The following GUCY2C variants were observed in gnomAD, a reference collection of about 807,000 sequenced individuals.
GUCY2C encodes the protein guanylate cyclase 2C, also known as guanylyl cyclase C.
GUCY2C carries 118 observed loss-of-function variants against 131.1 expected under a neutral mutation model. That is an observed-to-expected ratio of 0.90 (90% CI 0.78 to 1.05). The LOEUF is 1.05. Among genes scored for constraint, GUCY2C ranks in the 50% least tolerant of loss-of-function variants. GUCY2C has a pLI of 0.00. For synonymous variants in GUCY2C, 452 were observed against 457.8 expected (o/e 0.99, Z 0.16); for missense variants, 1,161 against 1,304.4 (o/e 0.89, Z 1.69).
intron 8 of GUCY2C, among the ~76,000 whole-genome samples, chr12:14,673,620 T>C (rs1250006580): frequency 6.6e-6 from 1 of 152,218 alleles, no homozygotes; most frequent in Non-Finnish European, 1.5e-5. Context: ...GTTATATTGG[T>C]GAGAAATAAT....
chr12:14,631,556 G>C (rs1395700480), intron 19 of GUCY2C, among the ~76,000 whole-genome samples: 1 of 152,086 alleles, frequency 6.6e-6, no homozygotes, highest in East Asian at 1.9e-4. Context: ...CAAAGGACAC[G>C]AGCTCATCAT....
Position 14,641,103 on chromosome 12 carries a change from A to T in GUCY2C, c.2047T>A (p.Leu683Met). 1 of 1,613,630 alleles carries T rather than the reference A, an allele frequency of 6.2e-7. No homozygotes were observed. The highest frequency in any genetic ancestry group is 8.5e-7 in the Non-Finnish European group (1 of 1,179,856). The change falls in exon 18 of 27, where the codon TTG (leucine) becomes ATG (methionine). Residue 683 changes from leucine (L) to methionine (M), a missense_variant. By Grantham distance (15) the Leu-to-Met change is conservative (BLOSUM62 2). Coordinates refer to ENST00000261170, the MANE Select transcript of GUCY2C (RefSeq NM_004963.4). The part of the protein sequence containing the change: ...IILRKETFYT[L>M]SCRDRNEKIF... ...GTACCATTCCGGTCCCGACAGCTCA[A>T]AGTGTAGAAGGTTTCTTTCCGCAGG... is the stretch of plus-strand genomic sequence containing the variant.
intron 19 of GUCY2C, 127 bp from the exon 20 acceptor site, chr12:14,628,864 G>GTT: frequency 1.6e-6 from 1 of 635,974 alleles, no homozygotes; most frequent in Non-Finnish European, 2.8e-6. Context: ...AACTCAGTGC[G>GTT]GACAAGAGAT....
At chr12:14,662,436 G>C (rs935554974) in intron 10 of GUCY2C, among the ~76,000 whole-genome samples, 17 of 152,142 alleles carry the variant, frequency 1.1e-4, no homozygotes, top group South Asian at 2.1e-4. Flanking sequence ...AGCACTTTGG[G>C]GGGGCTGAGG....
intron 17 of GUCY2C, among the ~76,000 whole-genome samples, chr12:14,642,241 C>G (rs1167512849): frequency 6.6e-6 from 1 of 152,184 alleles, no homozygotes; most frequent in Admixed American, 6.5e-5. Flanking sequence ...ATCTAGTTCA[C>G]TCACTTCACA....
intron 19 of GUCY2C, 58 bp from the exon 20 acceptor site, chr12:14,628,795 G>C: frequency 2.3e-6 from 2 of 867,638 alleles, no homozygotes; most frequent in Non-Finnish European, 4.0e-6. Context: ...AATCAAGAGA[G>C]AATTCTTATT....
At chr12:14,660,881 T>G in intron 11 of GUCY2C, 100 bp downstream of exon 11, 1 of 780,718 alleles carries the variant, frequency 1.3e-6, no homozygotes, top group Non-Finnish European at 2.3e-6. Flanking sequence ...TGCAGGCTTC[T>G]TTGTGAATAT....
intron 10 of GUCY2C, among the ~76,000 whole-genome samples, chr12:14,668,609 T>A (rs1948034094): frequency 1.3e-5 from 2 of 148,654 alleles, no homozygotes; most frequent in Admixed American, 1.4e-4. Context: ...TGGCTCTAAA[T>A]AATTTTATTG....
At chr12:14,647,958 AT>A (rs1947558621) in intron 15 of GUCY2C, among the ~76,000 whole-genome samples, 1 of 150,970 alleles carries the variant, frequency 6.6e-6, no homozygotes, top group African/African-American at 2.4e-5. Flanking sequence ...TTATTTATTT[AT>A]TTATTTATTT....
rs1947854047 is a variant in GUCY2C, at chr12:14,660,917, C to T, written c.1364+64G>A. The T allele has an allele frequency of 3.0e-6, 3 of 1,007,358 alleles. No homozygotes were observed. The South Asian group carries it at 3.8e-5, about 13-fold the overall frequency. The allele number at this position is 1,007,358 out of a possible 1,614,324, so 62.4% of individuals were successfully genotyped here. A position where few individuals can be genotyped will look rare whatever the true frequency, so the allele number is the denominator to read the frequency against. On this transcript the variant is annotated intron_variant, in intron 11 of 26. Transcript: ENST00000261170. The stretch of plus-strand genomic sequence containing the variant: ...TCATCATCATCAACAGACAACAGAC[C>T]TCTCCCACTTTCCCTTCCTGCCTCT...
rs1947860440 is a variant in GUCY2C, at chr12:14,661,196, T to C, written c.1283-134A>G. On this transcript the variant is annotated intron_variant, in intron 10 of 26. Transcript: ENST00000261170. ...AAAATTTATTTTTTATTAATTTCTC[T>C]CTGGTAATATAAGTCCTGTGTCCCT... is the stretch of plus-strand genomic sequence containing the variant. The C allele has an allele frequency of 6.5e-6, 4 of 619,832 alleles. No individual in the cohort carries two copies. In the African/African-American group the frequency reaches 7.4e-5, roughly 11 times the overall value. 38.4% of individuals were successfully genotyped at this position (619,832 alleles called of 1,614,324 possible). A position where few individuals can be genotyped will look rare whatever the true frequency, so the allele number is the denominator to read the frequency against.
intron 19 of GUCY2C, among the ~76,000 whole-genome samples, chr12:14,631,679 C>T (rs536407712): frequency 6.8e-4 from 98 of 145,166 alleles, no homozygotes; most frequent in African/African-American, 2.2e-3. Context: ...TGAATAGTGC[C>T]GCAATAAACA....
At chr12:14,614,094 C>T (rs1592066543) in intron 26 of GUCY2C, among the ~76,000 whole-genome samples, 2 of 152,118 alleles carry the variant, frequency 1.3e-5, no homozygotes, top group African/African-American at 4.8e-5. Context: ...TGCAGAGAGC[C>T]TCTTTGCCCC....
At chr12:14,655,448 G>C (rs1190339625) in intron 12 of GUCY2C, among the ~76,000 whole-genome samples, 2 of 152,254 alleles carry the variant, frequency 1.3e-5, no homozygotes, top group Non-Finnish European at 1.5e-5. Context: ...GGGAAGACCT[G>C]GTCTTTGGAT....
At chr12:14,661,553 T>C (rs1947867031) in intron 10 of GUCY2C, among the ~76,000 whole-genome samples, 1 of 152,002 alleles carries the variant, frequency 6.6e-6, no homozygotes. Flanking sequence ...ATTCTCCTGC[T>C]TTAGCCTCCC....
chr12:14,672,110 T>C (rs533042674), intron 9 of GUCY2C, among the ~76,000 whole-genome samples: 3 of 152,362 alleles, frequency 2.0e-5, no homozygotes, highest in Admixed American at 6.5e-5. Context: ...TTTTATGTTA[T>C]GTCAGGACCT....
At chr12:14,662,500 C>A (rs1057082259) in intron 10 of GUCY2C, among the ~76,000 whole-genome samples, 2 of 151,880 alleles carry the variant, frequency 1.3e-5, no homozygotes, top group Non-Finnish European at 1.5e-5. Flanking sequence ...CATGGCAAAA[C>A]CCCATCTCTA....
intron 15 of GUCY2C, among the ~76,000 whole-genome samples, chr12:14,648,021 C>T (rs185598641): frequency 7.9e-5 from 12 of 151,824 alleles, no homozygotes; most frequent in Non-Finnish European, 1.5e-4. Flanking sequence ...AGTGCAATGG[C>T]GGGATCTCAG....
chr12:14,618,100 C>G (rs1426450243), intron 24 of GUCY2C, among the ~76,000 whole-genome samples: 1 of 152,212 alleles, frequency 6.6e-6, no homozygotes, highest in East Asian at 1.9e-4. Context: ...CTACCACTGT[C>G]ATCAATATTT....
Sources: gnomAD v4.1 joint callset for allele counts (sites outside exome capture counted in the v4.1 genomes callset) on GRCh38, gnomAD v4.1.1 for gene constraint, MANE v1.5 for transcripts, NCBI Gene and HGNC (gene_info 2026-07-23, HGNC 2026-07-21) for gene names.